The following FOXP1 variants were observed in gnomAD, a reference collection of about 807,000 sequenced individuals.
FOXP1 encodes the protein forkhead box protein P1.
FOXP1 carries 15 observed loss-of-function variants against 98.2 expected under a neutral mutation model. The ratio of observed to expected loss-of-function variants is 0.15; its 90% CI spans 0.10 to 0.24. The LOEUF (loss-of-function observed/expected upper bound fraction) is 0.24, where lower values mean the gene tolerates loss of function less well. Ranked by LOEUF, FOXP1 falls within the 10% of genes least tolerant of loss-of-function variation. The pLI is 1.00. For synonymous variants in FOXP1, 371 were observed against 314.5 expected (o/e 1.18, Z -1.90); for missense variants, 633 against 848.5 (o/e 0.75, Z 3.15).
rs566857050 is a variant in FOXP1 at position 71,476,608 on chromosome 3, A to G, written c.-168+16818T>C. Reference sequence around the variant, plus strand: ...CAGGTTCAAGCGATTCTCCGGCCTCAGCCTCCTGAGGAGCTGGGATTACAG... The same window carrying G: ...CAGGTTCAAGCGATTCTCCGGCCTCGGCCTCCTGAGGAGCTGGGATTACAG... On this transcript the variant is annotated intron_variant, in intron 3 of 20. Transcript: ENST00000649528. Among the ~76,000 whole-genome samples the G allele has an allele frequency of 2.9e-4, 44 of 151,882 alleles. 1 individual carries two copies. In the South Asian group the frequency reaches 9.2e-3, roughly 32 times the overall value.
At chr3:71,581,431 G>C (rs536717415) in intron 2 of FOXP1, 118 bp downstream of exon 2, 1 of 985,386 alleles carries the variant, frequency 1.0e-6, no homozygotes, top group Admixed American at 6.1e-5. Context: ...CTCGCTCCCG[G>C]TGCCTTATCG....
chr3:71,238,434 G>C (rs1036997571), intron 5 of FOXP1, among the ~76,000 whole-genome samples: 2 of 151,760 alleles, frequency 1.3e-5, no homozygotes, highest in Admixed American at 6.6e-5. Context: ...AAAGGGGTGT[G>C]GGGGGGTGTG....
At chr3:71,493,648 T>C (rs562054207) in intron 2 of FOXP1, 93 bp from the exon 3 acceptor site, 2 of 152,324 alleles carry the variant, frequency 1.3e-5, no homozygotes, top group Non-Finnish European at 2.9e-5. Flanking sequence ...CATAGATTCT[T>C]GAGGTAGGGG....
chr3:71,370,563 C>T (rs187296985), intron 3 of FOXP1, among the ~76,000 whole-genome samples: 287 of 152,294 alleles, frequency 1.9e-3, no homozygotes, highest in African/African-American at 6.5e-3. Flanking sequence ...AGTCACAAGA[C>T]GCAGGTTCCG....
intron 3 of FOXP1, among the ~76,000 whole-genome samples, chr3:71,436,492 G>T (rs367753470): frequency 6.6e-6 from 1 of 151,626 alleles, no homozygotes; most frequent in Non-Finnish European, 1.5e-5. Flanking sequence ...CCCATCTATC[G>T]TCCCTATAAA....
At chr3:71,100,416 C>T (rs1055349367) in intron 7 of FOXP1, among the ~76,000 whole-genome samples, 3 of 152,192 alleles carry the variant, frequency 2.0e-5, no homozygotes, top group African/African-American at 4.8e-5. Context: ...TCTGACAAAG[C>T]GGCTCTCCCA....
intron 19 of FOXP1, 34 bp from the exon 20 acceptor site, chr3:70,966,090 C>G: frequency 6.3e-7 from 1 of 1,588,994 alleles, no homozygotes. Context: ...TATGAAGACA[C>G]AGGGTATGTA....
chr3:71,502,803 T>C (rs932876857), intron 2 of FOXP1, among the ~76,000 whole-genome samples: 1 of 152,196 alleles, frequency 6.6e-6, no homozygotes, highest in African/African-American at 2.4e-5. Context: ...TATTAATTGA[T>C]GACATCCATA....
At chr3:71,483,625 C>A (rs1159402418) in intron 3 of FOXP1, among the ~76,000 whole-genome samples, 1 of 152,184 alleles carries the variant, frequency 6.6e-6, no homozygotes, top group Non-Finnish European at 1.5e-5. Flanking sequence ...CACAGCCACA[C>A]CCCTTCATTT....
intron 2 of FOXP1, among the ~76,000 whole-genome samples, chr3:71,578,915 G>A (rs1013531937): frequency 8.5e-5 from 13 of 152,130 alleles, no homozygotes; most frequent in African/African-American, 2.7e-4. Context: ...TATTTATAGC[G>A]TTTTCAAAAC....
chr3:71,333,374 A>C (rs2076462680), intron 4 of FOXP1: 1 of 142,704 alleles, frequency 7.0e-6, no homozygotes, highest in South Asian at 2.4e-4. Flanking sequence ...AAAAATTTTG[A>C]GGTAAAATTC....
In FOXP1 at chr3:71,198,216, G is replaced by T. The variant is rs2108380190; in HGVS notation, c.166C>A (p.Gln56Lys). ...AAGCCCAGTACCTGTTGCTGCTGCT[G>T]CTGGGCGTGGGCGAGGTCAGCTGCC... ...IGAADLAHAQ[Q>K]QQQQALQVAR... Residue 56 changes from glutamine to lysine, a missense_variant, in exon 6 of 21, where the codon CAG becomes AAG. Transcript: ENST00000649528. The T allele has an allele frequency of 6.8e-6, 11 of 1,614,074 alleles. No homozygotes were observed. The highest frequency in any genetic ancestry group is 9.3e-6 in the Non-Finnish European group (11 of 1,180,042).
intron 5 of FOXP1, among the ~76,000 whole-genome samples, chr3:71,224,308 C>T (rs2065656809): frequency 1.3e-5 from 2 of 152,118 alleles, no homozygotes; most frequent in African/African-American, 4.8e-5. Flanking sequence ...GAGCTACCAG[C>T]CATACTCATT....
chr3:71,455,896 A>C (rs1056453035), intron 3 of FOXP1, among the ~76,000 whole-genome samples: 4 of 152,074 alleles, frequency 2.6e-5, no homozygotes, highest in African/African-American at 9.7e-5. Flanking sequence ...TGGTTTAATA[A>C]ACACCATCAT....
chr3:71,219,249 T>C (rs1156468731), intron 5 of FOXP1, among the ~76,000 whole-genome samples: 1 of 152,190 alleles, frequency 6.6e-6, no homozygotes, highest in Admixed American at 6.5e-5. Context: ...GGCCATGCCA[T>C]AGCCCATCTG....
chr3:71,224,669 T>C (rs1293152524), intron 5 of FOXP1, among the ~76,000 whole-genome samples: 1 of 152,168 alleles, frequency 6.6e-6, no homozygotes, highest in East Asian at 1.9e-4. Context: ...TGACACATAG[T>C]AGGTGGACAT....
Position 71,500,180 on chromosome 3 carries a change from T to C in FOXP1, c.-297-6625A>G, listed in dbSNP as rs957249295. Among the ~76,000 whole-genome samples, 42 of 152,218 alleles carry C rather than the reference T, an allele frequency of 2.8e-4. 1 individual carries two copies. Among genetic ancestry groups the C allele is most frequent in the Admixed American group, 2.6e-4 (4 of 15,286 alleles). ...TTCTTTCAACTCACCAGAGGACTTA[T>C]TGGTATCTATGCTCAAAAACAAATT... On this transcript the variant is annotated intron_variant, in intron 2 of 20. Coordinates refer to ENST00000649528, the MANE Select transcript of FOXP1 (RefSeq NM_001349338.3).
rs935869094 is a variant in FOXP1 at position 71,198,276 on chromosome 3, G to C, written c.106C>G (p.Arg36Gly). 2 of 1,614,020 alleles carry C rather than the reference G, an allele frequency of 1.2e-6. No homozygotes were observed. Among genetic ancestry groups the C allele is most frequent in the African/African-American group, 2.7e-5 (2 of 74,936 alleles). The part of the protein sequence containing the change: ...LLECGGLREG[R>G]SNGETPAVDI... ...ACGGCCGGCGTCTCTCCGTTGGACC[G>C]CCCCTCCCGAAGACCGCCGCACTCT... Residue 36 changes from arginine (R) to glycine (G), a missense_variant, in exon 6 of 21, where the codon CGG (arginine) becomes GGG (glycine). By Grantham distance (125) the Arg-to-Gly change is moderately radical. Transcript: ENST00000649528.
intron 3 of FOXP1, among the ~76,000 whole-genome samples, chr3:71,371,229 C>T (rs1239629557): frequency 6.6e-6 from 1 of 152,176 alleles, no homozygotes; most frequent in Non-Finnish European, 1.5e-5. Context: ...TGTGCTTCCA[C>T]CCTTGTATTG....
Sources: gnomAD v4.1 joint callset for allele counts (sites outside exome capture counted in the v4.1 genomes callset) on GRCh38, gnomAD v4.1.1 for gene constraint, MANE v1.5 for transcripts, NCBI Gene and HGNC (gene_info 2026-07-23, HGNC 2026-07-21) for gene names.